The following BCR variants were observed in gnomAD, a reference collection of about 807,000 sequenced individuals.
BCR encodes the protein BCR activator of RhoGEF and GTPase.
BCR carries 58 observed loss-of-function variants against 138.6 expected under a neutral mutation model. The observed-to-expected ratio is 0.42, with a 90% CI of 0.34 to 0.52. BCR has a LOEUF of 0.52. Among genes scored for constraint, BCR ranks in the 20% least tolerant of loss-of-function variants. BCR has a pLI of 0.06. For missense variants in BCR, 1,599 were observed against 1,727.2 expected (o/e 0.93, Z 1.32); for synonymous variants, 786 against 730.1 (o/e 1.08, Z -1.23).
At chr22:23,213,475 C>T (rs2072711009) in intron 1 of BCR, among the ~76,000 whole-genome samples, 1 of 152,234 alleles carries the variant, frequency 6.6e-6, no homozygotes, top group African/African-American at 2.4e-5. Context: ...GCATGTCATT[C>T]ACTTTGAGAT....
chr22:23,190,732 A>C (rs1190477110), intron 1 of BCR, among the ~76,000 whole-genome samples: 1 of 151,958 alleles, frequency 6.6e-6, no homozygotes, highest in Non-Finnish European at 1.5e-5. Context: ...ACGTGTTAGG[A>C]GGAGTGTGAG....
chr22:23,194,555 C>T (rs963246324), intron 1 of BCR, among the ~76,000 whole-genome samples: 24 of 152,140 alleles, frequency 1.6e-4, no homozygotes, highest in Admixed American at 1.4e-3. Flanking sequence ...GAACTGCAGG[C>T]GCCTGCCACA....
chr22:23,288,064 G>A, intron 11 of BCR, 33 bp from the exon 12 acceptor site: 1 of 1,606,306 alleles, frequency 6.2e-7, no homozygotes, highest in Middle Eastern at 1.8e-4. Context: ...CCAGGGCGGA[G>A]ATAACTGGGT....
At chr22:23,311,878 A>T in intron 19 of BCR, 42 bp downstream of exon 19, 1 of 1,604,844 alleles carries the variant, frequency 6.2e-7, no homozygotes. Flanking sequence ...GGTGTGGGCA[A>T]TGGTGTCCGC....
intron 1 of BCR, among the ~76,000 whole-genome samples, chr22:23,208,916 C>T (rs754223689): frequency 2.5e-4 from 38 of 152,140 alleles, no homozygotes; most frequent in Admixed American, 6.5e-4. Context: ...CCCCTCCCCG[C>T]GGCAACCACT....
chr22:23,209,061 A>C (rs2146217188), intron 1 of BCR, among the ~76,000 whole-genome samples: 1 of 152,226 alleles, frequency 6.6e-6, no homozygotes, highest in African/African-American at 2.4e-5. Flanking sequence ...AGCATGCATT[A>C]GAATCTCCTT....
chr22:23,185,421 T>A (rs1035740785), intron 1 of BCR, among the ~76,000 whole-genome samples: 4 of 152,058 alleles, frequency 2.6e-5, no homozygotes, highest in African/African-American at 9.7e-5. Flanking sequence ...ATCCCAGCAC[T>A]TAGGGAGTCC....
At chr22:23,218,922 AGCCCG>A (rs1008863379) in intron 1 of BCR, among the ~76,000 whole-genome samples, 1 of 152,168 alleles carries the variant, frequency 6.6e-6, no homozygotes, top group African/African-American at 2.4e-5. Context: ...GTGAGGTCGC[AGCCCG>A]GCCCTGCTCA....
chr22:23,277,769 A>G (rs11704766), intron 8 of BCR, among the ~76,000 whole-genome samples: 35,193 of 152,068 alleles, frequency 0.23, 4,443 homozygotes, highest in Middle Eastern at 0.3. Flanking sequence ...TGTGGCTCCT[A>G]TAATCTCATT....
At chr22:23,191,472 A>G (rs903965730) in intron 1 of BCR, among the ~76,000 whole-genome samples, 1 of 150,634 alleles carries the variant, frequency 6.6e-6, no homozygotes, top group South Asian at 2.1e-4. Flanking sequence ...AACAAACAAA[A>G]CCTTTCTAAT....
chr22:23,289,386 G>A, intron 12 of BCR, 131 bp from the exon 13 acceptor site: 1 of 723,612 alleles, frequency 1.4e-6, no homozygotes, highest in Non-Finnish European at 2.4e-6. Context: ...GCCCTCTCCT[G>A]AGCCCCCAAG....
rs542993486 is a variant in BCR at position 23,313,957 on chromosome 22, G to A, written c.3458-11G>A. On this transcript the variant is annotated splice_polypyrimidine_tract_variant and intron_variant, in intron 20 of 22. Coordinates refer to ENST00000305877, the MANE Select transcript of BCR (RefSeq NM_004327.4). Reference sequence around the variant, plus strand: ...TTGTGACCCCAAGGAGTAACCCACCGCCTTCTGCAGCTCTTTCAGACCCGG... The same window carrying A: ...TTGTGACCCCAAGGAGTAACCCACCACCTTCTGCAGCTCTTTCAGACCCGG... The A allele has an allele frequency of 2.6e-5, 42 of 1,611,970 alleles. No homozygotes were observed. The highest frequency in any genetic ancestry group is 2.5e-4 in the Admixed American group (15 of 59,972).
chr22:23,181,164 G>A lies in BCR; in HGVS notation c.204G>A (p.Lys68=), dbSNP rs992566676. 10 of 1,435,574 alleles carry A rather than the reference G, an allele frequency of 7.0e-6. No homozygotes were observed. The African/African-American group carries it at 1.3e-4, about 19-fold the overall frequency. The allele number at this position is 1,435,574 out of a possible 1,614,324, so 88.9% of individuals were successfully genotyped here. A position where few individuals can be genotyped will look rare whatever the true frequency, so the allele number is the denominator to read the frequency against. Residue 68 remains lysine, a synonymous_variant, in exon 1 of 23, where the codon AAG becomes AAA. Coordinates refer to ENST00000305877, the MANE Select transcript of BCR (RefSeq NM_004327.4). ...YLQTLLAKEK[K]SYDRQRWGFR... ...AGACGTTGCTGGCCAAGGAAAAGAA[G>A]AGCTATGACCGGCAGCGATGGGGCT...
chr22:23,275,040 T>A (rs1430889168), intron 8 of BCR, among the ~76,000 whole-genome samples: 1 of 151,552 alleles, frequency 6.6e-6, no homozygotes, highest in African/African-American at 2.4e-5. Context: ...GCCCAACACA[T>A]GGGGCTTGCT....
chr22:23,285,344 A>G, intron 10 of BCR, 143 bp downstream of exon 10: 1 of 895,722 alleles, frequency 1.1e-6, no homozygotes, highest in South Asian at 1.9e-5. Context: ...CAGCTCTTGG[A>G]GGGCTGGGCA....
At chr22:23,309,540 T>C in intron 17 of BCR, 57 bp downstream of exon 17, 1 of 1,496,436 alleles carries the variant, frequency 6.7e-7, no homozygotes, top group Non-Finnish European at 9.1e-7. Context: ...TAGGGTGGCC[T>C]CTGTTCATTT....
At chr22:23,220,134 C>G (rs967147387) in intron 1 of BCR, among the ~76,000 whole-genome samples, 18 of 152,172 alleles carry the variant, frequency 1.2e-4, no homozygotes, top group Non-Finnish European at 1.9e-4. Flanking sequence ...GCAGAGCATG[C>G]GGGGGTCCTG....
At chr22:23,311,615 G>A (rs2074008619) in intron 18 of BCR, 82 bp from the exon 19 acceptor site, 5 of 1,265,224 alleles carry the variant, frequency 4.0e-6, no homozygotes, top group Non-Finnish European at 5.6e-6. Context: ...CCACCTCCGG[G>A]TGTGCAGATA....
chr22:23,251,176 A>C (rs2073223643), intron 1 of BCR: 1 of 152,266 alleles, frequency 6.6e-6, no homozygotes, highest in South Asian at 2.1e-4. Flanking sequence ...ACACGCACAG[A>C]GACAGAACCC....
Sources: gnomAD v4.1 joint callset for allele counts (sites outside exome capture counted in the v4.1 genomes callset) on GRCh38, gnomAD v4.1.1 for gene constraint, MANE v1.5 for transcripts, NCBI Gene and HGNC (gene_info 2026-07-23, HGNC 2026-07-21) for gene names.